Variants in SIDT1 observed in about 807,000 individuals in gnomAD.
SIDT1 encodes the protein SID1 transmembrane family member 1, also known as SID1 transmembrane family, member 1.
A neutral mutation model predicts 107.5 loss-of-function variants in SIDT1; 101 were observed. That is an observed-to-expected ratio of 0.94 (90% CI 0.80 to 1.11). SIDT1 has a LOEUF of 1.11. SIDT1 is among the 50% of genes least tolerant of loss of function. The pLI is 0.00. For synonymous variants in SIDT1, 395 were observed against 398.2 expected, an observed-to-expected ratio of 0.99 and a Z score of 0.10; for missense variants, 1,076 against 1,058.2, an observed-to-expected ratio of 1.02 and a Z score of -0.23.
intron 1 of SIDT1, among the ~76,000 whole-genome samples, chr3:113,558,896 T>C (rs560456638): frequency 3.3e-4 from 50 of 152,368 alleles, no homozygotes; most frequent in African/African-American, 1.2e-3. Flanking sequence ...ATAAAAATAC[T>C]GTATTGTTTT....
At position 113,626,899 on chromosome 3, in the gene SIDT1, C is replaced by G. The variant is rs566841501; in HGVS notation, c.2421+684C>G. ...CCGGGCTCCAGACCTACTAGATGCC[C>G]GGGCTCCACGCAAAGCGGGCTCAGG... On this transcript the variant is annotated intron_variant, in intron 24 of 24. Coordinates refer to ENST00000264852, the MANE Select transcript of SIDT1 (RefSeq NM_017699.3). Among the ~76,000 whole-genome samples the G allele has an allele frequency of 6.6e-4, 100 of 152,272 alleles. 1 individual carries two copies. In the South Asian group the frequency reaches 0.013, roughly 20 times the overall value.
rs199669451 is a variant in SIDT1, at chr3:113,608,202, G to A, written c.1587G>A (p.Lys529=). The change falls in exon 16 of 25, where the codon AAG becomes AAA. Residue 529 remains lysine (K), a synonymous_variant. Transcript: ENST00000264852. ...TCCATCGGAGAGCCCTGGAAGCCAA[G>A]GACATCTTTGCTGTGGTGAGGAAAG... The part of the protein sequence containing the change: ...DILHRRALEA[K]DIFAVEYGIP... 2 of 1,599,090 alleles carry A rather than the reference G, an allele frequency of 1.3e-6. No homozygotes were observed. The highest frequency in any genetic ancestry group is 4.5e-5 in the East Asian group (2 of 44,718).
At chr3:113,592,411 G>C (rs1944225304) in intron 9 of SIDT1, among the ~76,000 whole-genome samples, 1 of 152,106 alleles carries the variant, frequency 6.6e-6, no homozygotes. Flanking sequence ...AATAAATGAT[G>C]TATATGCCTG....
At chr3:113,581,692 G>A (rs538076218) in intron 6 of SIDT1, 4 of 429,410 alleles carry the variant, frequency 9.3e-6, no homozygotes, top group Non-Finnish European at 1.7e-5. Context: ...GGCCAATATG[G>A]CAAAACCCTG....
chr3:113,579,025 T>C (rs1943131146), intron 4 of SIDT1, among the ~76,000 whole-genome samples: 2 of 152,208 alleles, frequency 1.3e-5, no homozygotes, highest in African/African-American at 4.8e-5. Context: ...ACAGGAAATA[T>C]TTTCTTTTTC....
intron 1 of SIDT1, among the ~76,000 whole-genome samples, chr3:113,536,257 T>C (rs4331647): frequency 0.14 from 20,572 of 152,216 alleles, 1,950 homozygotes; most frequent in African/African-American, 0.27. Flanking sequence ...TTGCTTATCC[T>C]ACACTCACTA....
intron 3 of SIDT1, among the ~76,000 whole-genome samples, chr3:113,575,189 A>T (rs1942802855): frequency 1.3e-5 from 2 of 152,354 alleles, no homozygotes; most frequent in South Asian, 4.1e-4. Context: ...AATGATGGGG[A>T]AAATTAAAAT....
chr3:113,613,930 C>T (rs1945926455), intron 19 of SIDT1, among the ~76,000 whole-genome samples: 1 of 152,166 alleles, frequency 6.6e-6, no homozygotes, highest in South Asian at 2.1e-4. Context: ...AAAGATGTCA[C>T]ACACAAAGAT....
chr3:113,614,988 A>T, intron 19 of SIDT1: 1 of 1,450,642 alleles, frequency 6.9e-7, no homozygotes. Flanking sequence ...AATGACCAGT[A>T]GTTTACATGT....
intron 18 of SIDT1, 75 bp downstream of exon 18, chr3:113,611,219 T>C (rs544829296): frequency 6.5e-6 from 10 of 1,547,234 alleles, no homozygotes; most frequent in African/African-American, 4.1e-5. Flanking sequence ...AACAATCAAG[T>C]GAACGGGTTT....
chr3:113,544,347 C>T (rs1021920147), intron 1 of SIDT1, among the ~76,000 whole-genome samples: 2 of 152,088 alleles, frequency 1.3e-5, no homozygotes, highest in Admixed American at 6.5e-5. Flanking sequence ...CACACAACCA[C>T]GCCCAGCTAA....
At chr3:113,568,768 A>G (rs924604536) in intron 3 of SIDT1, among the ~76,000 whole-genome samples, 2 of 152,104 alleles carry the variant, frequency 1.3e-5, no homozygotes, top group Non-Finnish European at 2.9e-5. Context: ...ATTCAGTGGG[A>G]TACTACACAA....
intron 1 of SIDT1, among the ~76,000 whole-genome samples, chr3:113,545,800 T>C (rs1478131648): frequency 6.6e-6 from 1 of 152,248 alleles, no homozygotes; most frequent in Admixed American, 6.5e-5. Flanking sequence ...CAGTGATACC[T>C]AAGGCAAGGA....
chr3:113,620,046 T>TGATA (rs1553813322), intron 21 of SIDT1: 1 of 202,356 alleles, frequency 4.9e-6, no homozygotes, highest in African/African-American at 2.3e-5. Flanking sequence ...GATAGATAGA[T>TGATA]GATAGATAAA....
chr3:113,606,974 G>A (rs1232102682), intron 14 of SIDT1, 67 bp from the exon 15 acceptor site: 2 of 986,764 alleles, frequency 2.0e-6, no homozygotes, highest in Non-Finnish European at 3.3e-6. Flanking sequence ...TCTGCTCTTT[G>A]TGTTCCTGCT....
At chr3:113,622,174 A>C (rs1946500442) in intron 21 of SIDT1, among the ~76,000 whole-genome samples, 1 of 152,106 alleles carries the variant, frequency 6.6e-6, no homozygotes, top group Admixed American at 6.5e-5. Flanking sequence ...TTCATCAAAA[A>C]CTATTTCAGG....
chr3:113,593,088 A>G (rs779678080), intron 10 of SIDT1, 40 bp downstream of exon 10: 4 of 1,532,932 alleles, frequency 2.6e-6, no homozygotes, highest in South Asian at 2.2e-5. Context: ...ATGGTGTCGC[A>G]TAGTGTGGCA....
intron 10 of SIDT1, among the ~76,000 whole-genome samples, 176 bp downstream of exon 10, chr3:113,593,224 A>G (rs1944303704): frequency 6.6e-6 from 1 of 152,196 alleles, no homozygotes; most frequent in Non-Finnish European, 1.5e-5. Flanking sequence ...CCAATTCTAT[A>G]GTTCAAGAGG....
intron 3 of SIDT1, among the ~76,000 whole-genome samples, chr3:113,570,410 A>C (rs1030944185): frequency 1.3e-5 from 2 of 152,138 alleles, no homozygotes; most frequent in Non-Finnish European, 2.9e-5. Flanking sequence ...TGGCAGTGTC[A>C]CTTGGTGGTA....
Sources: gnomAD v4.1 joint callset for allele counts (sites outside exome capture counted in the v4.1 genomes callset) on GRCh38, gnomAD v4.1.1 for gene constraint, MANE v1.5 for transcripts, NCBI Gene and HGNC (gene_info 2026-07-23, HGNC 2026-07-21) for gene names.